The following DOCK10 variants were observed in gnomAD, a reference collection of about 807,000 sequenced individuals.
DOCK10 encodes dedicator of cytokinesis 10, also known as dedicator of cytokinesis protein 10.
In DOCK10, 145 loss-of-function variants were observed where a neutral mutation model predicts 280.1. The ratio of observed to expected loss-of-function variants is 0.52; its 90% CI spans 0.45 to 0.59. DOCK10 has a LOEUF of 0.59. DOCK10 is among the 20% of genes least tolerant of loss of function. DOCK10 has a pLI of 0.00. For missense variants in DOCK10, 2,368 were observed against 2,651.7 expected (o/e 0.89, Z 2.35); for synonymous variants, 915 against 942.2 (o/e 0.97, Z 0.53).
intron 22 of DOCK10, among the ~76,000 whole-genome samples, chr2:224,843,684 A>G (rs566823787): frequency 6.6e-6 from 1 of 152,318 alleles, no homozygotes; most frequent in East Asian, 1.9e-4. Flanking sequence ...CATTAAACTT[A>G]AGAAAGGAGA....
chr2:224,786,900 T>C lies in DOCK10; in HGVS notation c.5655+122A>G. 1 of 733,300 alleles carries C rather than the reference T, an allele frequency of 1.4e-6. No homozygotes were observed. The highest frequency in any genetic ancestry group is 1.6e-5 in the South Asian group (1 of 62,186). 45.4% of individuals were successfully genotyped at this position (733,300 alleles called of 1,614,324 possible). On this transcript the variant is annotated intron_variant, in intron 50 of 55. Coordinates refer to ENST00000258390, the MANE Select transcript of DOCK10 (RefSeq NM_014689.3). This position sits in a 1 kb window ranked among gnomAD's most constrained non-coding sequence, Gnocchi z 4.7. ...CATCACATCCAGAGAAACACTCAAG[T>C]ATAGTCAGACACACCCACACCTCTC...
At chr2:224,971,882 G>A (rs1705107134) in intron 1 of DOCK10, among the ~76,000 whole-genome samples, 1 of 151,982 alleles carries the variant, frequency 6.6e-6, no homozygotes, top group African/African-American at 2.4e-5. Context: ...ATGAAGTATT[G>A]TAATAATTTT....
intron 1 of DOCK10, among the ~76,000 whole-genome samples, chr2:224,973,424 GGA>G (rs1314375026): frequency 6.6e-6 from 1 of 152,074 alleles, no homozygotes; most frequent in East Asian, 1.9e-4. Flanking sequence ...GAGGAAGGTG[GGA>G]GAGTCAGAGA....
At chr2:224,845,954 C>T (rs1470327543) in intron 19 of DOCK10, among the ~76,000 whole-genome samples, 2 of 152,184 alleles carry the variant, frequency 1.3e-5, no homozygotes, top group Non-Finnish European at 2.9e-5. Context: ...AAACTCCTGA[C>T]CTCAAGTGAT....
chr2:225,014,076 A>AATATATAT lies in DOCK10; in HGVS notation c.123+28175_123+28176insATATATAT, dbSNP rs770548693. 9.6e-4 allele frequency among the ~76,000 whole-genome samples: 84 copies of AATATATAT among 87,812 alleles called. 1 individual carries two copies. Among genetic ancestry groups the AATATATAT allele is most frequent in the East Asian group, 2.1e-3 (6 of 2,806 alleles). 57.6% of individuals were successfully genotyped at this position (87,812 alleles called of 152,430 possible). A position where few individuals can be genotyped will look rare whatever the true frequency, so the allele number is the denominator to read the frequency against. On this transcript the variant is annotated intron_variant, in intron 1 of 55. Coordinates refer to ENST00000258390, the MANE Select transcript of DOCK10 (RefSeq NM_014689.3). The stretch of plus-strand genomic sequence containing the variant: ...TATTCAAAAAATCCCCAGAAGTCTG[A>AATATATAT]ATATATTGTTTTTTTTTTTTTGTTT...
At chr2:224,823,902 A>G (rs1694672626) in intron 27 of DOCK10, among the ~76,000 whole-genome samples, 1 of 152,196 alleles carries the variant, frequency 6.6e-6, no homozygotes, top group South Asian at 2.1e-4. Flanking sequence ...ACAAATATTA[A>G]TTGCAAACTA....
At chr2:224,767,034 G>C (rs1423858127) in intron 55 of DOCK10, among the ~76,000 whole-genome samples, 1 of 152,170 alleles carries the variant, frequency 6.6e-6, no homozygotes, top group East Asian at 1.9e-4. Flanking sequence ...GGAGTGAATT[G>C]CATATGTAGC....
intron 19 of DOCK10, among the ~76,000 whole-genome samples, chr2:224,848,817 C>T (rs2125520559): frequency 6.6e-6 from 1 of 152,256 alleles, no homozygotes; most frequent in South Asian, 2.1e-4. Context: ...TCTCTGTTCT[C>T]TTCCTTATGA....
At chr2:224,987,728 G>A (rs1421705491) in intron 1 of DOCK10, among the ~76,000 whole-genome samples, 2 of 152,182 alleles carry the variant, frequency 1.3e-5, no homozygotes, top group African/African-American at 2.4e-5. Flanking sequence ...CCAGAAGGCA[G>A]AGTATTCTAG....
At chr2:224,964,960 G>C (rs530889103) in intron 1 of DOCK10, among the ~76,000 whole-genome samples, 121 of 152,282 alleles carry the variant, frequency 7.9e-4, no homozygotes, top group African/African-American at 2.7e-3. Context: ...TTTCTAGTAT[G>C]GATGTCCGCA....
intron 1 of DOCK10, among the ~76,000 whole-genome samples, chr2:224,980,473 T>C (rs1255046278): frequency 6.6e-6 from 1 of 152,182 alleles, no homozygotes; most frequent in African/African-American, 2.4e-5. Context: ...TAGGGACTTT[T>C]GATGGGTTTG....
At chr2:225,029,783 A>G (rs1011978506) in intron 1 of DOCK10, among the ~76,000 whole-genome samples, 2 of 152,164 alleles carry the variant, frequency 1.3e-5, no homozygotes, top group African/African-American at 4.8e-5. Flanking sequence ...GGTGATTACT[A>G]GTTTTTTCTT....
At chr2:224,875,987 A>G (rs2125694637) in intron 8 of DOCK10, 51 bp downstream of exon 8, 1 of 1,564,466 alleles carries the variant, frequency 6.4e-7, no homozygotes, top group South Asian at 1.2e-5. Context: ...GTGAACCAAA[A>G]ACACAGGTCA....
intron 1 of DOCK10, among the ~76,000 whole-genome samples, chr2:224,946,627 T>C (rs1225741024): frequency 1.3e-5 from 2 of 152,174 alleles, no homozygotes; most frequent in East Asian, 3.8e-4. Context: ...AATTCTCTAT[T>C]AATATATTTT....
chr2:224,874,291 A>G lies in DOCK10; in HGVS notation c.1076T>C (p.Leu359Pro). 1 of 1,613,484 alleles carries G rather than the reference A, an allele frequency of 6.2e-7. No homozygotes were observed. Among genetic ancestry groups the G allele is most frequent in the Non-Finnish European group, 8.5e-7 (1 of 1,179,652 alleles). Residue 359 changes from leucine (L) to proline (P), a missense_variant, in exon 10 of 56, where the codon CTG (leucine) becomes CCG (proline). By Grantham distance (98) the Leu-to-Pro change is moderately conservative (BLOSUM62 -3). Transcript: ENST00000258390. ...ATCTATGTCTGGATCTAGAGAGAAC[A>G]GATTTAGCCTCTCCATGTTTCGAGT... ...KTTRNMERLN[L>P]FSLDPDIDTL...
At chr2:224,879,475 G>A (rs537937913) in intron 7 of DOCK10, among the ~76,000 whole-genome samples, 1 of 152,206 alleles carries the variant, frequency 6.6e-6, no homozygotes, top group South Asian at 2.1e-4. Flanking sequence ...TAGACACTCA[G>A]GGCTGGGCGT....
At chr2:224,982,244 T>C (rs1705789707) in intron 1 of DOCK10, 1 of 1,231,964 alleles carries the variant, frequency 8.1e-7, no homozygotes, top group South Asian at 4.1e-5. Context: ...CATTTCATCG[T>C]CACTTTCCAG....
chr2:224,850,280 G>A (rs1344373962), intron 18 of DOCK10, among the ~76,000 whole-genome samples: 1 of 152,094 alleles, frequency 6.6e-6, no homozygotes, highest in Non-Finnish European at 1.5e-5. Context: ...TATTTTCTGA[G>A]TCATCCTTGA....
At chr2:225,040,189 G>C (rs1690381134) in intron 1 of DOCK10, among the ~76,000 whole-genome samples, 1 of 152,184 alleles carries the variant, frequency 6.6e-6, no homozygotes, top group African/African-American at 2.4e-5. Context: ...ATCCCACCGA[G>C]TTCAGGTGCC....
Sources: allele counts gnomAD v4.1 joint callset (sites outside exome capture counted in the v4.1 genomes callset), GRCh38; gene constraint gnomAD v4.1.1; non-coding constraint Gnocchi (gnomAD v3.1); transcripts MANE v1.5; gene names NCBI Gene and HGNC (gene_info 2026-07-23, HGNC 2026-07-21).